Variants in WWOX observed in about 807,000 individuals in gnomAD.
WWOX encodes the protein WW domain containing oxidoreductase.
WWOX carries 69 observed loss-of-function variants against 46.2 expected under a neutral mutation model. The observed-to-expected ratio is 1.49, with a 90% CI of 1.23 to 1.82. The LOEUF is 1.82. WWOX is among the 40% of genes most tolerant of loss of function. The pLI is 0.00. For synonymous variants in WWOX, 359 were observed against 202.6 expected (o/e 1.77, Z -6.56); for missense variants, 919 against 542.6 (o/e 1.69, Z -6.89).
chr16:78,744,772 G>T (rs1297052642), intron 8 of WWOX, among the ~76,000 whole-genome samples: 2 of 152,150 alleles, frequency 1.3e-5, no homozygotes, highest in Non-Finnish European at 2.9e-5. Context: ...CGAAAACAGT[G>T]TGGAAAATAT....
chr16:78,257,490 G>A lies in WWOX; in HGVS notation c.516+93201G>A, dbSNP rs1305766885. ...GATTGAGTGACACAAGACTCTTTGG[G>A]TATGTCTCAAACAATATAAATCACC... On this transcript the variant is annotated intron_variant, in intron 5 of 8. Transcript: ENST00000566780. Among the ~76,000 whole-genome samples the A allele has an allele frequency of 3.9e-5, 6 of 152,140 alleles. No homozygotes were observed. The East Asian group carries it at 1.2e-3, about 29-fold the overall frequency.
chr16:78,851,288 A>T (rs1471347079), intron 8 of WWOX, among the ~76,000 whole-genome samples: 1 of 152,176 alleles, frequency 6.6e-6, no homozygotes, highest in Non-Finnish European at 1.5e-5. Flanking sequence ...TTTCAACAGG[A>T]GCTATAATTA....
At chr16:78,428,102 G>A (rs2083129830) in intron 7 of WWOX, among the ~76,000 whole-genome samples, 1 of 152,134 alleles carries the variant, frequency 6.6e-6, no homozygotes, top group African/African-American at 2.4e-5. Flanking sequence ...AACCCCCACA[G>A]TATATATAGA....
chr16:78,435,806 G>A (rs953132214), intron 8 of WWOX, among the ~76,000 whole-genome samples: 1 of 152,142 alleles, frequency 6.6e-6, no homozygotes, highest in Non-Finnish European at 1.5e-5. Context: ...CCAGCTTTCT[G>A]AGCCTGTCTC....
At chr16:78,702,120 A>ATATATATATATATATTTATTTATTTATT (rs1207718237) in intron 8 of WWOX, among the ~76,000 whole-genome samples, 3 of 130,040 alleles carry the variant, frequency 2.3e-5, no homozygotes, top group African/African-American at 6.6e-5. Flanking sequence ...ATATATATAT[A>ATATATATATATATATTTATTTATTTATT]TATTTATTTA....
chr16:79,023,215 A>G (rs907967321), intron 8 of WWOX, among the ~76,000 whole-genome samples: 10 of 152,222 alleles, frequency 6.6e-5, no homozygotes, highest in South Asian at 4.1e-4. Flanking sequence ...AAAACAGTCC[A>G]TCTTGTTGGA....
intron 8 of WWOX, among the ~76,000 whole-genome samples, chr16:78,778,774 C>A (rs1174282146): frequency 6.6e-6 from 1 of 152,144 alleles, no homozygotes; most frequent in East Asian, 1.9e-4. Context: ...ACCGCCGTCC[C>A]CAACCCTGAG....
chr16:78,656,136 T>C (rs1399933513), intron 8 of WWOX, among the ~76,000 whole-genome samples: 1 of 152,180 alleles, frequency 6.6e-6, no homozygotes, highest in Non-Finnish European at 1.5e-5. Flanking sequence ...AACATGAGGA[T>C]GAAAGTTATG....
chr16:78,292,312 G>A (rs4267317), intron 5 of WWOX, among the ~76,000 whole-genome samples: 91,269 of 152,022 alleles, frequency 0.6, 27,610 homozygotes, highest in East Asian at 0.81. Context: ...GATTGAATAC[G>A]TCAAAGTGAT....
At chr16:78,759,695 C>G (rs901519828) in intron 8 of WWOX, among the ~76,000 whole-genome samples, 1 of 152,204 alleles carries the variant, frequency 6.6e-6, no homozygotes, top group Non-Finnish European at 1.5e-5. Flanking sequence ...AGACTGTATG[C>G]TCCCTGTTGT....
intron 8 of WWOX, among the ~76,000 whole-genome samples, chr16:79,077,109 G>A (rs2048672151): frequency 6.6e-6 from 1 of 152,162 alleles, no homozygotes; most frequent in South Asian, 2.1e-4. Flanking sequence ...ATGAGGATTT[G>A]AACCCACTGC....
chr16:78,504,074 A>G (rs912908119), intron 8 of WWOX, among the ~76,000 whole-genome samples: 2 of 152,332 alleles, frequency 1.3e-5, no homozygotes, highest in Admixed American at 6.5e-5. Flanking sequence ...ACTGTGTTTG[A>G]TAGATTTCTT....
At chr16:78,227,236 TAAG>T in intron 5 of WWOX, among the ~76,000 whole-genome samples, 1 of 152,354 alleles carries the variant, frequency 6.6e-6, no homozygotes, top group Non-Finnish European at 1.5e-5. Context: ...TTGTACGCTT[TAAG>T]GTTAAGGAAT....
intron 5 of WWOX, among the ~76,000 whole-genome samples, chr16:78,175,661 G>T (rs2035319555): frequency 6.6e-6 from 1 of 152,178 alleles, no homozygotes; most frequent in South Asian, 2.1e-4. Flanking sequence ...AGATGACTGA[G>T]GCCCTGGCTG....
chr16:78,314,701 GTTTTTTTT>G (rs920575863), intron 5 of WWOX, among the ~76,000 whole-genome samples: 1 of 61,312 alleles, frequency 1.6e-5, no homozygotes, highest in Non-Finnish European at 2.9e-5. Context: ...TTTTTTTTTT[GTTTTTTTT>G]TTTTTTTTTT....
At chr16:78,541,366 T>C (rs1390236402) in intron 8 of WWOX, among the ~76,000 whole-genome samples, 65 of 146,672 alleles carry the variant, frequency 4.4e-4, no homozygotes, top group African/African-American at 1.3e-3. Flanking sequence ...CCCAGCTACT[T>C]GGGAGGCTGA....
intron 8 of WWOX, among the ~76,000 whole-genome samples, chr16:78,979,695 G>A (rs1033478968): frequency 1.1e-4 from 17 of 152,234 alleles, no homozygotes; most frequent in Middle Eastern, 3.4e-3. Flanking sequence ...CTGTGTAGCC[G>A]TCCATGCTTG....
At chr16:78,858,547 C>T (rs868008224) in intron 8 of WWOX, among the ~76,000 whole-genome samples, 1 of 151,962 alleles carries the variant, frequency 6.6e-6, no homozygotes, top group South Asian at 2.1e-4. Context: ...AGGTGATAAA[C>T]AGTAATTATA....
intron 5 of WWOX, among the ~76,000 whole-genome samples, chr16:78,262,349 C>G (rs1038184528): frequency 5.3e-5 from 8 of 152,140 alleles, no homozygotes; most frequent in African/African-American, 1.7e-4. Flanking sequence ...TTCTGATCTT[C>G]CTGTTAGAAG....
Sources: gnomAD v4.1 joint callset for allele counts (sites outside exome capture counted in the v4.1 genomes callset) on GRCh38, gnomAD v4.1.1 for gene constraint, MANE v1.5 for transcripts, NCBI Gene and HGNC (gene_info 2026-07-23, HGNC 2026-07-21) for gene names.